The following NRXN1 variants were observed in gnomAD, a reference collection of about 807,000 sequenced individuals.
The protein encoded by NRXN1 is neurexin-1.
In NRXN1, 39 loss-of-function variants were observed where a neutral mutation model predicts 150.9. That is an observed-to-expected ratio of 0.26 (90% CI 0.20 to 0.34). The LOEUF is 0.34. NRXN1 is among the 10% of genes least tolerant of loss of function. The probability of loss-of-function intolerance (pLI) is 1.00; values close to 1 mark genes in which losing one functional copy is unlikely to be tolerated. For synonymous variants in NRXN1, 924 were observed against 757.0 expected (o/e 1.22, Z -3.62); for missense variants, 1,815 against 1,949.9 (o/e 0.93, Z 1.30).
intron 5 of NRXN1, among the ~76,000 whole-genome samples, chr2:50,738,299 A>T (rs916582942): frequency 5.3e-5 from 8 of 152,166 alleles, no homozygotes; most frequent in Non-Finnish European, 1.0e-4. Context: ...ACTGACCCTA[A>T]CTATTTGCTA....
At chr2:50,571,075 A>C (rs982643986) in intron 8 of NRXN1, among the ~76,000 whole-genome samples, 9 of 152,158 alleles carry the variant, frequency 5.9e-5, no homozygotes, top group Admixed American at 2.6e-4. Context: ...GAATGCCTAC[A>C]CTGGAGGAAA....
intron 8 of NRXN1, among the ~76,000 whole-genome samples, chr2:50,574,263 G>A (rs1671074965): frequency 6.6e-6 from 1 of 151,858 alleles, no homozygotes; most frequent in African/African-American, 2.4e-5. Flanking sequence ...ATAAATTGGT[G>A]GGCATTTTAC....
At chr2:51,016,408 C>G (rs552999805) in intron 2 of NRXN1, among the ~76,000 whole-genome samples, 1 of 152,162 alleles carries the variant, frequency 6.6e-6, no homozygotes, top group South Asian at 2.1e-4. Context: ...AACAAACTTA[C>G]AAGAACAAAA....
chr2:50,881,528 G>A (rs1435801420), intron 5 of NRXN1, among the ~76,000 whole-genome samples: 1 of 151,806 alleles, frequency 6.6e-6, no homozygotes, highest in Non-Finnish European at 1.5e-5. Flanking sequence ...TGATAAAAAT[G>A]GCACTTGCAA....
intron 4 of NRXN1, among the ~76,000 whole-genome samples, chr2:50,922,295 C>G (rs187877131): frequency 6.6e-6 from 1 of 151,932 alleles, no homozygotes; most frequent in East Asian, 2.0e-4. Context: ...GTGGTTTAAA[C>G]TGAGGATCTT....
intron 5 of NRXN1, among the ~76,000 whole-genome samples, chr2:50,863,190 A>G (rs1676388545): frequency 6.6e-6 from 1 of 152,060 alleles, no homozygotes; most frequent in Non-Finnish European, 1.5e-5. Context: ...TTTTCCTTCT[A>G]AAGTATTCAA....
chr2:50,892,314 T>C (rs530696712), intron 5 of NRXN1, among the ~76,000 whole-genome samples: 72 of 152,262 alleles, frequency 4.7e-4, no homozygotes, highest in Non-Finnish European at 7.4e-4. Flanking sequence ...TAATTGTAGA[T>C]GGAAGTTGTG....
intron 2 of NRXN1, among the ~76,000 whole-genome samples, chr2:51,004,642 C>CA (rs573315828): frequency 9.3e-4 from 139 of 150,188 alleles, no homozygotes; most frequent in African/African-American, 3.2e-3. Context: ...GACTCCGTCT[C>CA]AAAAATAAAT....
chr2:50,044,350 C>T (rs574271412), intron 21 of NRXN1, among the ~76,000 whole-genome samples: 3 of 152,070 alleles, frequency 2.0e-5, no homozygotes, highest in Non-Finnish European at 2.9e-5. Flanking sequence ...CTAAGGGGGC[C>T]GAGGCTACCA....
chr2:50,541,971 T>C (rs1322272314), intron 9 of NRXN1, among the ~76,000 whole-genome samples: 1 of 152,140 alleles, frequency 6.6e-6, no homozygotes, highest in African/African-American at 2.4e-5. Flanking sequence ...TGAGAGACAA[T>C]TGTAGAGTTC....
chr2:50,091,893 T>C (rs1420937976), intron 18 of NRXN1, among the ~76,000 whole-genome samples: 8 of 152,166 alleles, frequency 5.3e-5, no homozygotes, highest in Non-Finnish European at 1.5e-5. Flanking sequence ...ATCAGAGCAA[T>C]GATGTCTGTT....
chr2:50,529,675 T>A (rs1010668415), intron 11 of NRXN1, among the ~76,000 whole-genome samples: 1 of 152,202 alleles, frequency 6.6e-6, no homozygotes, highest in Non-Finnish European at 1.5e-5. Flanking sequence ...GACCAGCACC[T>A]ACACACCTCT....
At chr2:50,911,036 T>A (rs2104096433) in intron 5 of NRXN1, among the ~76,000 whole-genome samples, 1 of 152,138 alleles carries the variant, frequency 6.6e-6, no homozygotes. Context: ...CAGTTAAAAT[T>A]ATGTGGCACT....
intron 21 of NRXN1, among the ~76,000 whole-genome samples, chr2:50,037,086 T>A (rs1690155631): frequency 6.6e-6 from 1 of 152,222 alleles, no homozygotes; most frequent in South Asian, 2.1e-4. Flanking sequence ...AAACATTTTT[T>A]AAAGACAAAA....
chr2:50,876,571 C>T (rs944410995), intron 5 of NRXN1, among the ~76,000 whole-genome samples: 3 of 151,778 alleles, frequency 2.0e-5, no homozygotes, highest in African/African-American at 7.2e-5. Context: ...TATTATAATG[C>T]ATAATACAAT....
chr2:50,578,725 C>T (rs1257945345), intron 8 of NRXN1, among the ~76,000 whole-genome samples: 1 of 151,596 alleles, frequency 6.6e-6, no homozygotes, highest in Non-Finnish European at 1.5e-5. Context: ...AAAAAAAATG[C>T]TAAAGCTTTT....
At chr2:50,208,086 G>A (rs1255628495) in intron 18 of NRXN1, among the ~76,000 whole-genome samples, 4 of 152,068 alleles carry the variant, frequency 2.6e-5, no homozygotes, top group South Asian at 2.1e-4. Flanking sequence ...GCAACGGTTG[G>A]CAGGAGAACC....
chr2:50,366,763 C>G (rs1398219684), intron 17 of NRXN1, among the ~76,000 whole-genome samples: 1 of 151,920 alleles, frequency 6.6e-6, no homozygotes, highest in Admixed American at 6.6e-5. Context: ...AATACCAATT[C>G]TGAGATCATG....
intron 8 of NRXN1, among the ~76,000 whole-genome samples, chr2:50,609,863 T>G (rs916054742): frequency 6.6e-6 from 1 of 152,126 alleles, no homozygotes; most frequent in African/African-American, 2.4e-5. Flanking sequence ...CATAGTCCAT[T>G]GTCATGTACT....
Sources: allele counts gnomAD v4.1 joint callset (sites outside exome capture counted in the v4.1 genomes callset), GRCh38; gene constraint gnomAD v4.1.1; transcripts MANE v1.5; gene names NCBI Gene and HGNC (gene_info 2026-07-23, HGNC 2026-07-21).